The following TDRD10 variants were observed in gnomAD, a reference collection of about 807,000 sequenced individuals.
The protein encoded by TDRD10 is tudor domain containing 10, also known as tudor domain-containing protein 10.
A neutral mutation model predicts 48.0 loss-of-function variants in TDRD10; 40 were observed. The observed-to-expected ratio is 0.83, with a 90% CI of 0.65 to 1.09. TDRD10 has a LOEUF of 1.09. Among genes scored for constraint, TDRD10 ranks in the 50% least tolerant of loss-of-function variants. The pLI, the probability that TDRD10 is intolerant of heterozygous loss-of-function variation, is 0.00. For missense variants in TDRD10, 378 were observed against 434.7 expected, an observed-to-expected ratio of 0.87 and a Z score of 1.16; for synonymous variants, 162 against 170.4, an observed-to-expected ratio of 0.95 and a Z score of 0.38.
intron 6 of TDRD10, among the ~76,000 whole-genome samples, chr1:154,528,313 C>A (rs2149334149): frequency 6.6e-6 from 1 of 152,030 alleles, no homozygotes; most frequent in East Asian, 1.9e-4. Context: ...ACAACCTCTG[C>A]CTCCTGGGTT....
intron 4 of TDRD10, among the ~76,000 whole-genome samples, chr1:154,511,372 G>T (rs191734817): frequency 6.6e-6 from 1 of 151,778 alleles, no homozygotes; most frequent in Admixed American, 6.6e-5. Context: ...GGTGGCTCAT[G>T]CCTGTAATCC....
chr1:154,512,793 T>A (rs1304388010), intron 4 of TDRD10, among the ~76,000 whole-genome samples: 12 of 152,224 alleles, frequency 7.9e-5, no homozygotes, highest in Admixed American at 7.9e-4. Flanking sequence ...AAATGGCTGA[T>A]TCCAGATCTG....
intron 7 of TDRD10, 26 bp downstream of exon 7, chr1:154,542,092 C>T (rs1227412362): frequency 6.2e-7 from 1 of 1,613,130 alleles, no homozygotes; most frequent in South Asian, 1.1e-5. Flanking sequence ...GCCATCCTTT[C>T]CCAGGATGTG....
chr1:154,526,416 G>A (rs1458609637), intron 6 of TDRD10, among the ~76,000 whole-genome samples: 5 of 76,788 alleles, frequency 6.5e-5, no homozygotes, highest in African/African-American at 2.2e-4. Flanking sequence ...AACTTTCACA[G>A]ATTTTTTTTT....
chr1:154,517,549 A>G (rs1253994274), intron 4 of TDRD10, among the ~76,000 whole-genome samples: 16 of 151,858 alleles, frequency 1.1e-4, no homozygotes, highest in Non-Finnish European at 2.4e-4. Flanking sequence ...CAGCCTCCCA[A>G]GTAGCTGGGA....
At chr1:154,527,431 C>G (rs917758183) in intron 6 of TDRD10, among the ~76,000 whole-genome samples, 1 of 152,180 alleles carries the variant, frequency 6.6e-6, no homozygotes, top group African/African-American at 2.4e-5. Flanking sequence ...ATTGCTTATT[C>G]ATGTAGAAAA....
At chr1:154,532,590 C>T (rs774067707) in intron 6 of TDRD10, among the ~76,000 whole-genome samples, 11 of 152,218 alleles carry the variant, frequency 7.2e-5, no homozygotes, top group South Asian at 2.1e-4. Flanking sequence ...GAGGAGGCAC[C>T]GAGAGCGAGC....
intron 4 of TDRD10, among the ~76,000 whole-genome samples, chr1:154,515,129 G>T (rs1379374065): frequency 6.6e-6 from 1 of 151,958 alleles, no homozygotes; most frequent in Non-Finnish European, 1.5e-5. Context: ...CAGCTTCCCA[G>T]AGTGCTGGGA....
chr1:154,532,339 C>CT lies in TDRD10; in HGVS notation c.370-9684dup, dbSNP rs2149339448. Among the ~76,000 whole-genome samples the CT allele has an allele frequency of 2.0e-5, 3 of 152,338 alleles. No homozygotes were observed. The East Asian group carries it at 5.8e-4, about 29-fold the overall frequency. On this transcript the variant is annotated intron_variant, in intron 6 of 12. Transcript: ENST00000368482. Reference sequence around the variant, plus strand: ...CCCTCCGCAGCTGCTGGCCTGGGTGCTAAGCCCCTCACTGCCCGGGGCCGC... The same window carrying CT: ...CCCTCCGCAGCTGCTGGCCTGGGTGCTTAAGCCCCTCACTGCCCGGGGCCGC...
chr1:154,524,921 T>C (rs755449078), intron 6 of TDRD10, among the ~76,000 whole-genome samples: 12 of 152,194 alleles, frequency 7.9e-5, no homozygotes, highest in Non-Finnish European at 1.8e-4. Context: ...CCTAGATTCC[T>C]TGGACTTCTG....
intron 6 of TDRD10, among the ~76,000 whole-genome samples, chr1:154,537,737 C>T (rs74115798): frequency 0.03 from 4,571 of 152,214 alleles, 242 homozygotes; most frequent in African/African-American, 0.11. Context: ...AGCCTTCTGG[C>T]CACCAACCTT....
At chr1:154,543,927 T>C in intron 8 of TDRD10, 36 bp from the exon 9 acceptor site, 1 of 1,611,392 alleles carries the variant, frequency 6.2e-7, no homozygotes, top group Non-Finnish European at 8.5e-7. Flanking sequence ...GTTGGTCCAG[T>C]CGTTCCTTTC....
At chr1:154,543,745 C>T (rs578087050) in intron 8 of TDRD10, among the ~76,000 whole-genome samples, 52 of 152,272 alleles carry the variant, frequency 3.4e-4, no homozygotes, top group Middle Eastern at 3.4e-3. Flanking sequence ...TCAACCCCTA[C>T]GCCCCCAGAA....
intron 8 of TDRD10, among the ~76,000 whole-genome samples, chr1:154,543,536 T>C (rs918752378): frequency 1.2e-4 from 18 of 152,192 alleles, no homozygotes; most frequent in South Asian, 4.1e-4. Flanking sequence ...ACATTTGGAA[T>C]GTGCGTAGAC....
At chr1:154,531,731 C>G (rs563535945) in intron 6 of TDRD10, among the ~76,000 whole-genome samples, 2 of 152,164 alleles carry the variant, frequency 1.3e-5, no homozygotes, top group Non-Finnish European at 2.9e-5. Flanking sequence ...ACTGCTGGCT[C>G]GGGCAGCCTG....
chr1:154,514,584 T>G (rs12740969), intron 4 of TDRD10, among the ~76,000 whole-genome samples: 76,893 of 151,996 alleles, frequency 0.51, 22,593 homozygotes, highest in East Asian at 0.76. Flanking sequence ...GTTACCTCCA[T>G]CCAGAACCTG....
intron 6 of TDRD10, among the ~76,000 whole-genome samples, chr1:154,523,176 G>A (rs1012741878): frequency 1.3e-5 from 2 of 152,156 alleles, no homozygotes; most frequent in African/African-American, 4.8e-5. Flanking sequence ...AAAGTGCTGG[G>A]ATTACAGGCA....
chr1:154,542,305 G>A (rs747691868), intron 7 of TDRD10, among the ~76,000 whole-genome samples: 10 of 152,182 alleles, frequency 6.6e-5, no homozygotes, highest in Non-Finnish European at 1.3e-4. Context: ...ATAGCTCACT[G>A]CAGCCTCAAA....
At chr1:154,532,610 G>A (rs937697004) in intron 6 of TDRD10, among the ~76,000 whole-genome samples, 2 of 152,208 alleles carry the variant, frequency 1.3e-5, no homozygotes, top group African/African-American at 4.8e-5. Context: ...CGAGGGCTGC[G>A]AGGGCTGCCA....
Sources: gnomAD v4.1 joint callset for allele counts (sites outside exome capture counted in the v4.1 genomes callset) on GRCh38, gnomAD v4.1.1 for gene constraint, MANE v1.5 for transcripts, NCBI Gene and HGNC (gene_info 2026-07-23, HGNC 2026-07-21) for gene names.